SUPT20H: variants seen among roughly 807,000 people sequenced by gnomAD.
SUPT20H encodes SPT20 homolog, SAGA complex component, also known as transcription factor SPT20 homolog.
A neutral mutation model predicts 122.8 loss-of-function variants in SUPT20H; 82 were observed. That is an observed-to-expected ratio of 0.67 (90% CI 0.56 to 0.80). The LOEUF (loss-of-function observed/expected upper bound fraction) is 0.80, where lower values mean the gene tolerates loss of function less well. SUPT20H is among the 30% of genes least tolerant of loss of function. The probability of loss-of-function intolerance (pLI) is 0.00; values close to 1 mark genes in which losing one functional copy is unlikely to be tolerated. For missense variants in SUPT20H, 831 were observed against 921.6 expected (o/e 0.90, Z 1.27); for synonymous variants, 291 against 313.0 (o/e 0.93, Z 0.74).
chr13:37,026,171 C>T, intron 16 of SUPT20H, 33 bp downstream of exon 16: 1 of 1,558,168 alleles, frequency 6.4e-7, no homozygotes, highest in South Asian at 1.2e-5. Flanking sequence ...TCATATCCAT[C>T]CTGACCAAAA....
chr13:37,049,674 G>A (rs1185388841), intron 2 of SUPT20H, among the ~76,000 whole-genome samples: 2 of 152,158 alleles, frequency 1.3e-5, no homozygotes, highest in East Asian at 3.9e-4. Context: ...GGGAGGCAGA[G>A]GTTGCAGTGA....
intron 5 of SUPT20H, 164 bp downstream of exon 5, chr13:37,047,371 C>A: frequency 1.5e-6 from 1 of 645,562 alleles, no homozygotes; most frequent in Non-Finnish European, 2.3e-6. Flanking sequence ...CTGCCTGGTG[C>A]CAGATTAGCC....
intron 1 of SUPT20H, among the ~76,000 whole-genome samples, chr13:37,052,255 G>A (rs1310087257): frequency 6.6e-6 from 1 of 152,224 alleles, no homozygotes; most frequent in African/African-American, 2.4e-5. Context: ...CAAAGCTGGA[G>A]GCATCATGCT....
At chr13:37,052,063 C>T (rs902537053) in intron 1 of SUPT20H, among the ~76,000 whole-genome samples, 4 of 151,952 alleles carry the variant, frequency 2.6e-5, no homozygotes, top group African/African-American at 9.7e-5. Flanking sequence ...AAAATCCATG[C>T]TCATGGATAG....
Position 37,017,266 on chromosome 13 carries a change from A to T in SUPT20H, c.1971T>A (p.Ser657Arg). The T allele has an allele frequency of 1.2e-6, 2 of 1,614,132 alleles. No homozygotes were observed. Among genetic ancestry groups the T allele is most frequent in the South Asian group, 1.1e-5 (1 of 91,084 alleles). Residue 657 changes from serine (S) to arginine (R), a missense_variant, in exon 23 of 26, where the codon AGT becomes AGA. By Grantham distance (110) the Ser-to-Arg change is moderately radical. Coordinates refer to ENST00000350612, the MANE Select transcript of SUPT20H (RefSeq NM_001014286.3). ...ATACCTGCTCCCCTGGCTGTTGAGG[A>T]CTACAAGTTGTGGGCTGCTGAGGTT... ...PQQPQQPTTC[S>R]PQQPGEQGSE...
In SUPT20H at chr13:37,045,463, A is replaced by G. The variant is rs17054831; in HGVS notation, c.166-90T>C. 20,856 of 1,480,152 alleles carry G rather than the reference A, an allele frequency of 0.014. 2,556 individuals carry two copies. In the African/African-American group the frequency reaches 0.26, roughly 19 times the overall value. The allele number at this position is 1,480,152 out of a possible 1,614,324, so 91.7% of individuals were successfully genotyped here. On this transcript the variant is annotated intron_variant, in intron 5 of 25. Transcript: ENST00000350612. ...ATTTAACAAAATCAGGCTTGAATTA[A>G]CCTTTTGGTGCTCTTTCTGCATTAT...
intron 14 of SUPT20H, 116 bp from the exon 15 acceptor site, chr13:37,026,932 TGCA>T (rs1245105431): frequency 1.1e-5 from 7 of 656,872 alleles, no homozygotes; most frequent in Non-Finnish European, 1.6e-5. Context: ...TAATAAATCA[TGCA>T]GCTACTCTGA....
rs764096486 is a variant in SUPT20H at position 37,019,345 on chromosome 13, G to A, written c.1869C>T (p.Leu623=). ...AAAAGCAGTATTTCAGGTTTACCTG[G>A]AGTAGATTTAAGGGCCTGAGACTTG... The part of the protein sequence containing the change: ...NTSSLRPLNL[L]QLPGGSLIFN... The change falls in exon 22 of 26, where the codon CTC becomes CTT. Residue 623 remains leucine, a synonymous_variant. Transcript: ENST00000350612. The A allele has an allele frequency of 1.3e-6, 2 of 1,595,226 alleles. No individual in the cohort carries two copies. The highest frequency in any genetic ancestry group is 1.1e-5 in the South Asian group (1 of 87,024).
At chr13:37,033,191 T>C (rs1594239741) in intron 10 of SUPT20H, among the ~76,000 whole-genome samples, 2 of 151,564 alleles carry the variant, frequency 1.3e-5, no homozygotes, top group African/African-American at 4.8e-5. Flanking sequence ...TTAAGAATCC[T>C]ATTTTCAAAA....
chr13:37,058,907 A>T (rs2069905047), intron 1 of SUPT20H, among the ~76,000 whole-genome samples: 1 of 152,290 alleles, frequency 6.6e-6, no homozygotes, highest in Middle Eastern at 3.4e-3. Context: ...AGTACACTGT[A>T]CTCGACTCCG....
At chr13:37,043,353 AAGGC>A (rs2065842097) in intron 7 of SUPT20H, among the ~76,000 whole-genome samples, 1 of 152,162 alleles carries the variant, frequency 6.6e-6, no homozygotes, top group Non-Finnish European at 1.5e-5. Flanking sequence ...GGGTTAAGTT[AAGGC>A]AGTAAGAAGA....
At chr13:37,015,315 T>G (rs1477730326) in intron 23 of SUPT20H, among the ~76,000 whole-genome samples, 2 of 147,532 alleles carry the variant, frequency 1.4e-5, no homozygotes, top group African/African-American at 2.5e-5. Context: ...AAAATTAATC[T>G]GAAAAAAAAA....
intron 2 of SUPT20H, among the ~76,000 whole-genome samples, chr13:37,051,127 T>C (rs1440258070): frequency 6.6e-6 from 1 of 152,180 alleles, no homozygotes. Flanking sequence ...TAAATTTTAA[T>C]AAAATCTAAA....
At chr13:37,031,951 A>T in intron 10 of SUPT20H, 56 bp from the exon 11 acceptor site, 1 of 1,467,544 alleles carries the variant, frequency 6.8e-7, no homozygotes, top group Middle Eastern at 1.8e-4. Context: ...CTCATAATAT[A>T]TGTGAGTTGA....
At chr13:37,056,397 A>C (rs2069036755) in intron 1 of SUPT20H, among the ~76,000 whole-genome samples, 2 of 152,246 alleles carry the variant, frequency 1.3e-5, no homozygotes, top group African/African-American at 4.8e-5. Flanking sequence ...TGGATTAAGA[A>C]AATGTGGCAC....
At chr13:37,045,646 C>A (rs1431181102) in intron 5 of SUPT20H, among the ~76,000 whole-genome samples, 1 of 152,002 alleles carries the variant, frequency 6.6e-6, no homozygotes, top group Non-Finnish European at 1.5e-5. Context: ...AAATATAAAA[C>A]AAGTACTTTT....
intron 7 of SUPT20H, 66 bp downstream of exon 7, chr13:37,044,010 AAT>A: frequency 2.1e-6 from 2 of 963,056 alleles, no homozygotes. Flanking sequence ...CATACATAAA[AAT>A]GTGACATATA....
At chr13:37,014,112 A>G (rs1166119323) in intron 23 of SUPT20H, among the ~76,000 whole-genome samples, 2 of 152,088 alleles carry the variant, frequency 1.3e-5, no homozygotes, top group Non-Finnish European at 2.9e-5. Context: ...AAGGATGAAA[A>G]AAGACGTACT....
At chr13:37,028,097 C>T in intron 14 of SUPT20H, 51 bp downstream of exon 14, 1 of 1,493,252 alleles carries the variant, frequency 6.7e-7, no homozygotes, top group Non-Finnish European at 8.9e-7. Flanking sequence ...TAGATAAATT[C>T]TTGGTGCCTT....
Sources: allele counts gnomAD v4.1 joint callset (sites outside exome capture counted in the v4.1 genomes callset), GRCh38; gene constraint gnomAD v4.1.1; transcripts MANE v1.5; gene names NCBI Gene and HGNC (gene_info 2026-07-23, HGNC 2026-07-21).